The following ROBO2 variants were observed in gnomAD, a reference collection of about 807,000 sequenced individuals.
ROBO2 encodes roundabout guidance receptor 2.
Under a neutral mutation model 160.8 loss-of-function variants are expected in ROBO2, and 53 were observed. The observed-to-expected ratio is 0.33, with a 90% CI of 0.26 to 0.41. The LOEUF (loss-of-function observed/expected upper bound fraction) is 0.41. Among genes scored for constraint, ROBO2 ranks in the 10% least tolerant of loss-of-function variants. ROBO2 has a pLI of 1.00. For missense variants in ROBO2, 1,577 were observed against 1,722.4 expected (o/e 0.92, Z 1.49); for synonymous variants, 664 against 611.7 (o/e 1.09, Z -1.26).
chr3:75,912,734 A>G (rs1946654644), intron 1 of ROBO2, among the ~76,000 whole-genome samples: 1 of 152,200 alleles, frequency 6.6e-6, no homozygotes, highest in Non-Finnish European at 1.5e-5. Flanking sequence ...TACTGGTATA[A>G]TCATATTGAT....
At chr3:76,113,302 A>T (rs1167910117) in intron 2 of ROBO2, among the ~76,000 whole-genome samples, 1 of 152,138 alleles carries the variant, frequency 6.6e-6, no homozygotes, top group Non-Finnish European at 1.5e-5. Context: ...TTTCTAAAAT[A>T]ATGGTGGATA....
chr3:76,224,372 G>A (rs1052248662), intron 2 of ROBO2, among the ~76,000 whole-genome samples: 2 of 152,164 alleles, frequency 1.3e-5, no homozygotes, highest in African/African-American at 4.8e-5. Flanking sequence ...AGAGGCGTTG[G>A]TGTCTAAGTC....
intron 2 of ROBO2, among the ~76,000 whole-genome samples, chr3:75,986,519 T>A (rs1034903148): frequency 2.6e-5 from 4 of 151,706 alleles, no homozygotes; most frequent in South Asian, 4.1e-4. Context: ...GATGATAGTA[T>A]TTTTTGGCAG....
chr3:76,480,936 T>C (rs935598355), intron 2 of ROBO2, among the ~76,000 whole-genome samples: 7 of 152,324 alleles, frequency 4.6e-5, no homozygotes, highest in African/African-American at 7.2e-5. Flanking sequence ...TCAGGGGATA[T>C]GGCAACACAT....
chr3:76,614,263 C>T (rs1184643172), intron 2 of ROBO2, among the ~76,000 whole-genome samples: 1 of 151,882 alleles, frequency 6.6e-6, no homozygotes. Flanking sequence ...GATCTAAATC[C>T]CTGTATCTCA....
intron 2 of ROBO2, among the ~76,000 whole-genome samples, chr3:76,058,918 C>A (rs1230731855): frequency 2.0e-5 from 3 of 149,540 alleles, no homozygotes; most frequent in African/African-American, 2.5e-5. Flanking sequence ...TTTGTCTTTG[C>A]GATAGTTTGC....
intron 2 of ROBO2, among the ~76,000 whole-genome samples, chr3:76,744,686 C>G (rs2093856291): frequency 6.6e-6 from 1 of 152,030 alleles, no homozygotes; most frequent in South Asian, 2.1e-4. Context: ...TTGAGGCCTC[C>G]TTGGCTTGTA....
At chr3:77,292,419 G>A (rs1344328505) in intron 2 of ROBO2, among the ~76,000 whole-genome samples, 8 of 151,742 alleles carry the variant, frequency 5.3e-5, no homozygotes, top group South Asian at 2.1e-4. Context: ...ACGGTTAAAC[G>A]GATAAGCTGA....
At chr3:76,636,915 G>A (rs1209480584) in intron 2 of ROBO2, among the ~76,000 whole-genome samples, 1 of 150,982 alleles carries the variant, frequency 6.6e-6, no homozygotes, top group East Asian at 2.0e-4. Flanking sequence ...GTGAGGGGAA[G>A]GAGGACAAAG....
At chr3:76,941,621 C>T (rs958756443) in intron 2 of ROBO2, among the ~76,000 whole-genome samples, 1 of 152,172 alleles carries the variant, frequency 6.6e-6, no homozygotes, top group Admixed American at 6.5e-5. Context: ...ATGTCTTATG[C>T]AGCTAACTTT....
intron 6 of ROBO2, among the ~76,000 whole-genome samples, chr3:77,543,014 C>T (rs1391489224): frequency 6.6e-6 from 1 of 152,102 alleles, no homozygotes; most frequent in East Asian, 1.9e-4. Flanking sequence ...TTTACATGCC[C>T]CTAAAAATCC....
chr3:76,061,341 GT>G (rs1303677407), intron 2 of ROBO2, among the ~76,000 whole-genome samples: 1 of 152,114 alleles, frequency 6.6e-6, no homozygotes, highest in Admixed American at 6.6e-5. Flanking sequence ...CAGCTGAGTT[GT>G]TTGAGCTCTC....
chr3:76,088,389 C>A (rs1009091572), intron 2 of ROBO2, among the ~76,000 whole-genome samples: 2 of 152,014 alleles, frequency 1.3e-5, no homozygotes, highest in African/African-American at 4.8e-5. Context: ...GACGTATAGA[C>A]TACTTTATCT....
chr3:77,437,638 G>T (rs1221166860), intron 2 of ROBO2, among the ~76,000 whole-genome samples: 1 of 152,040 alleles, frequency 6.6e-6, no homozygotes, highest in East Asian at 1.9e-4. Flanking sequence ...GACTAGAAAA[G>T]CTCCTTTATT....
chr3:76,530,969 C>A (rs998642901), intron 2 of ROBO2, among the ~76,000 whole-genome samples: 1 of 152,152 alleles, frequency 6.6e-6, no homozygotes, highest in Non-Finnish European at 1.5e-5. Context: ...GTATGTGCTA[C>A]TCCTTCTTCA....
At chr3:77,028,713 C>T (rs930484570) in intron 2 of ROBO2, among the ~76,000 whole-genome samples, 3 of 151,694 alleles carry the variant, frequency 2.0e-5, no homozygotes, top group Non-Finnish European at 4.4e-5. Context: ...AGCGAGACTC[C>T]GTCTCAAAAA....
intron 2 of ROBO2, among the ~76,000 whole-genome samples, chr3:76,635,124 G>A (rs1004593717): frequency 2.6e-5 from 4 of 152,076 alleles, no homozygotes; most frequent in African/African-American, 9.7e-5. Context: ...ACTAATATCG[G>A]TGTTGTTATT....
At chr3:76,175,002 A>G (rs150207212) in intron 2 of ROBO2, among the ~76,000 whole-genome samples, 2,330 of 152,252 alleles carry the variant, frequency 0.015, 29 homozygotes, top group Non-Finnish European at 0.023. Context: ...TGAGCATGGA[A>G]TTATTTTCCA....
At chr3:76,192,524 CCACACACACACACACACA>C (rs3039244) in intron 2 of ROBO2, among the ~76,000 whole-genome samples, 9 of 130,154 alleles carry the variant, frequency 6.9e-5, no homozygotes, top group South Asian at 5.4e-4. Flanking sequence ...CAACACTCCA[CCACACACACACACACACA>C]CACACACACA....
Sources: gnomAD v4.1 joint callset for allele counts (sites outside exome capture counted in the v4.1 genomes callset) on GRCh38, gnomAD v4.1.1 for gene constraint, MANE v1.5 for transcripts, NCBI Gene and HGNC (gene_info 2026-07-23, HGNC 2026-07-21) for gene names.